The following METTL25 variants were observed in gnomAD, a reference collection of about 807,000 sequenced individuals.
METTL25 encodes methyltransferase like 25, also known as probable methyltransferase-like protein 25.
A neutral mutation model predicts 71.6 loss-of-function variants in METTL25; 64 were observed. The observed-to-expected ratio is 0.89, with a 90% CI of 0.73 to 1.10. METTL25 has a LOEUF of 1.10. Among genes scored for constraint, METTL25 ranks in the 50% least tolerant of loss-of-function variants. The probability of loss-of-function intolerance (pLI) is 0.00; values close to 1 mark genes in which losing one functional copy is unlikely to be tolerated. For synonymous variants in METTL25, 287 were observed against 250.3 expected (o/e 1.15, Z -1.38); for missense variants, 807 against 707.0 (o/e 1.14, Z -1.60).
intron 5 of METTL25, among the ~76,000 whole-genome samples, chr12:82,403,776 A>G (rs1886842141): frequency 6.6e-6 from 1 of 152,166 alleles, no homozygotes; most frequent in Non-Finnish European, 1.5e-5. Context: ...TACATGTTAA[A>G]TCTTTCCATA....
At chr12:82,366,516 T>C (rs1356104810) in intron 1 of METTL25, among the ~76,000 whole-genome samples, 1 of 152,242 alleles carries the variant, frequency 6.6e-6, no homozygotes, top group Non-Finnish European at 1.5e-5. Context: ...ACCATTTTAA[T>C]TGAACAACAC....
intron 8 of METTL25, among the ~76,000 whole-genome samples, chr12:82,452,638 C>T (rs140663863): frequency 6.6e-6 from 1 of 152,308 alleles, no homozygotes; most frequent in African/African-American, 2.4e-5. Context: ...CATAAACTCA[C>T]TTTGCAGATA....
chr12:82,428,535 T>C (rs1296253704), intron 5 of METTL25, among the ~76,000 whole-genome samples: 1 of 151,844 alleles, frequency 6.6e-6, no homozygotes, highest in Non-Finnish European at 1.5e-5. Flanking sequence ...CCCAAACCAG[T>C]CTTTGAAGTC....
At chr12:82,473,562 T>G (rs1892691058) in intron 9 of METTL25, among the ~76,000 whole-genome samples, 1 of 152,108 alleles carries the variant, frequency 6.6e-6, no homozygotes, top group South Asian at 2.1e-4. Context: ...AGGGGCAGCC[T>G]GTAGGGCTGT....
At chr12:82,427,881 A>G (rs7137506) in intron 5 of METTL25, among the ~76,000 whole-genome samples, 5,356 of 152,036 alleles carry the variant, frequency 0.035, 317 homozygotes, top group African/African-American at 0.12. Flanking sequence ...TGTAAAATAG[A>G]TTTAGGACCA....
rs200270142 is a variant in METTL25, at chr12:82,430,861, T to C, written c.1280-32T>C. The C allele has an allele frequency of 6.2e-6, 7 of 1,127,806 alleles. No individual in the cohort carries two copies. In the East Asian group the frequency reaches 1.7e-4, roughly 27 times the overall value. 69.9% of individuals were successfully genotyped at this position (1,127,806 alleles called of 1,614,324 possible). ...TTAACTGAAAAAGAAAGAATTTTATTTAAATAATCCGTATTTTTCCCCCAT... is the reference window on the plus strand; with the variant it reads ...TTAACTGAAAAAGAAAGAATTTTATCTAAATAATCCGTATTTTTCCCCCAT... On this transcript the variant is annotated intron_variant, in intron 5 of 11. Transcript: ENST00000248306.
intron 5 of METTL25, among the ~76,000 whole-genome samples, chr12:82,420,996 G>A (rs555640836): frequency 2.6e-5 from 4 of 152,138 alleles, no homozygotes; most frequent in South Asian, 2.1e-4. Flanking sequence ...GAAGTAGCTC[G>A]GATTACAGGT....
chr12:82,469,089 C>A (rs540011258), intron 9 of METTL25: 1 of 152,320 alleles, frequency 6.6e-6, no homozygotes, highest in Non-Finnish European at 1.5e-5. Flanking sequence ...TTTGACATAA[C>A]AATCAAACTC....
intron 4 of METTL25, among the ~76,000 whole-genome samples, chr12:82,401,035 C>T (rs886524684): frequency 6.6e-6 from 1 of 152,034 alleles, no homozygotes; most frequent in South Asian, 2.1e-4. Flanking sequence ...ATCATAATCT[C>T]TAAATAAAAC....
chr12:82,429,565 T>C (rs1049581807), intron 5 of METTL25, among the ~76,000 whole-genome samples: 16 of 151,838 alleles, frequency 1.1e-4, no homozygotes, highest in African/African-American at 3.6e-4. Context: ...TGGATAAATA[T>C]CCAGTAATGG....
chr12:82,360,486 A>G (rs1032087896), intron 1 of METTL25, among the ~76,000 whole-genome samples: 19 of 151,566 alleles, frequency 1.3e-4, no homozygotes, highest in African/African-American at 4.6e-4. Context: ...AAAGTATACT[A>G]GATAAGGGAG....
chr12:82,413,499 T>C (rs1175796337), intron 5 of METTL25, among the ~76,000 whole-genome samples: 1 of 152,110 alleles, frequency 6.6e-6, no homozygotes, highest in Non-Finnish European at 1.5e-5. Context: ...TTTCTAGATG[T>C]CCAAGGGAGT....
At chr12:82,362,229 T>A (rs4516038) in intron 1 of METTL25, among the ~76,000 whole-genome samples, 3 of 152,122 alleles carry the variant, frequency 2.0e-5, no homozygotes, top group Non-Finnish European at 4.4e-5. Context: ...TATTTAATTC[T>A]CTAAAATAAA....
At chr12:82,372,678 T>A (rs111548521) in intron 1 of METTL25, among the ~76,000 whole-genome samples, 1 of 152,144 alleles carries the variant, frequency 6.6e-6, no homozygotes, top group Non-Finnish European at 1.5e-5. Context: ...TTTTTAGGAT[T>A]TGCAGGTCAA....
chr12:82,360,267 G>T (rs1223597431), intron 1 of METTL25, among the ~76,000 whole-genome samples: 2 of 152,116 alleles, frequency 1.3e-5, no homozygotes, highest in East Asian at 1.9e-4. Context: ...TGGATTATTT[G>T]ATATTTACTA....
chr12:82,386,385 A>G (rs113112023), intron 1 of METTL25, among the ~76,000 whole-genome samples: 7 of 152,070 alleles, frequency 4.6e-5, no homozygotes, highest in African/African-American at 1.7e-4. Flanking sequence ...TAAATTTAAT[A>G]AATACATCAC....
At chr12:82,474,139 T>C (rs977663752) in intron 9 of METTL25, among the ~76,000 whole-genome samples, 1 of 152,188 alleles carries the variant, frequency 6.6e-6, no homozygotes, top group African/African-American at 2.4e-5. Context: ...ATGAGGACTA[T>C]GACATTCTCT....
At chr12:82,448,143 CA>C (rs750314455) in intron 8 of METTL25, among the ~76,000 whole-genome samples, 29 of 151,992 alleles carry the variant, frequency 1.9e-4, no homozygotes, top group Non-Finnish European at 3.8e-4. Flanking sequence ...GTACTAAAGA[CA>C]GAAAATAAGG....
At chr12:82,460,415 G>A (rs1347424773) in intron 9 of METTL25, among the ~76,000 whole-genome samples, 1 of 152,136 alleles carries the variant, frequency 6.6e-6, no homozygotes, top group Non-Finnish European at 1.5e-5. Flanking sequence ...GTATGTGAAT[G>A]GTAGAAAAAG....
Sources: allele counts gnomAD v4.1 joint callset (sites outside exome capture counted in the v4.1 genomes callset), GRCh38; gene constraint gnomAD v4.1.1; transcripts MANE v1.5; gene names NCBI Gene and HGNC (gene_info 2026-07-23, HGNC 2026-07-21).